NFATC2: variants seen among roughly 807,000 people sequenced by gnomAD.
NFATC2 encodes the protein nuclear factor of activated T cells 2.
NFATC2 carries 22 observed loss-of-function variants against 87.3 expected under a neutral mutation model. The ratio of observed to expected loss-of-function variants is 0.25; its 90% confidence interval spans 0.18 to 0.36. The LOEUF (loss-of-function observed/expected upper bound fraction) is 0.36. Ranked by LOEUF, NFATC2 falls within the 10% of genes least tolerant of loss-of-function variation. The pLI, the probability that NFATC2 is intolerant of heterozygous loss-of-function variation, is 1.00. For synonymous variants in NFATC2, 565 were observed against 542.2 expected (o/e 1.04, Z -0.58); for missense variants, 1,149 against 1,259.1 (o/e 0.91, Z 1.32).
intron 6 of NFATC2, among the ~76,000 whole-genome samples, chr20:51,454,190 G>C (rs74802704): frequency 6.6e-6 from 1 of 152,168 alleles, no homozygotes; most frequent in East Asian, 1.9e-4. Flanking sequence ...AGATATCCAG[G>C]GCCAGAGTAT....
chr20:51,409,195 T>C (rs1978822870), intron 9 of NFATC2, among the ~76,000 whole-genome samples: 1 of 152,172 alleles, frequency 6.6e-6, no homozygotes, highest in South Asian at 2.1e-4. Flanking sequence ...GTTGGAAGTG[T>C]GTGTACACCC....
intron 5 of NFATC2, among the ~76,000 whole-genome samples, chr20:51,462,540 C>A (rs536497714): frequency 6.6e-6 from 1 of 152,110 alleles, no homozygotes; most frequent in African/African-American, 2.4e-5. Context: ...TATTATAAAA[C>A]GCCCACACCA....
upstream of NFATC2, among the ~76,000 whole-genome samples, chr20:51,546,424 C>T (rs1601006790): frequency 6.6e-6 from 1 of 152,128 alleles, no homozygotes. Flanking sequence ...GGAACAAGGT[C>T]CAGGAGCAGA....
chr20:51,517,027 C>G (rs558952310), intron 2 of NFATC2, 72 bp from the exon 3 acceptor site: 1 of 1,439,626 alleles, frequency 6.9e-7, no homozygotes, highest in African/African-American at 1.4e-5. Flanking sequence ...TAATTGTAAA[C>G]GGCCCTTTCT....
At chr20:51,405,087 C>A (rs1194331552) in intron 9 of NFATC2, among the ~76,000 whole-genome samples, 5 of 152,134 alleles carry the variant, frequency 3.3e-5, no homozygotes, top group Non-Finnish European at 7.4e-5. Flanking sequence ...GCCAGGAAGG[C>A]ACCAAGCCCC....
rs986894735 is a variant in NFATC2 at position 51,426,265 on chromosome 20, G to T, written c.2722+5802C>A. Among the ~76,000 whole-genome samples the T allele has an allele frequency of 3.3e-5, 5 of 152,192 alleles. No individual in the cohort carries two copies. In the South Asian group the frequency reaches 8.3e-4, roughly 25 times the overall value. On this transcript the variant is annotated intron_variant, in intron 9 of 10. Transcript: ENST00000371564. ...AGGCCGAGGGGAATGGATCACCTGA[G>T]GTCAGGAGTTCGAGACCAGCTGGCC...
chr20:51,529,835 T>C (rs965418355), intron 1 of NFATC2, among the ~76,000 whole-genome samples: 6 of 151,848 alleles, frequency 4.0e-5, no homozygotes, highest in Non-Finnish European at 8.8e-5. Flanking sequence ...GAAGGTAGGG[T>C]AAAAATACAA....
At chr20:51,417,004 A>G (rs1362354783) in intron 9 of NFATC2, among the ~76,000 whole-genome samples, 1 of 152,170 alleles carries the variant, frequency 6.6e-6, no homozygotes, top group Non-Finnish European at 1.5e-5. Context: ...CAGATGAAGG[A>G]GTGAAAAGGC....
intron 10 of NFATC2, among the ~76,000 whole-genome samples, chr20:51,394,134 A>ACCT (rs1453074788): frequency 1.3e-5 from 2 of 151,960 alleles, no homozygotes; most frequent in African/African-American, 2.4e-5. Flanking sequence ...CTGGGTAGGA[A>ACCT]CCTCCTCTTT....
chr20:51,543,401 G>A (rs571474998), upstream of NFATC2, among the ~76,000 whole-genome samples: 48 of 152,342 alleles, frequency 3.2e-4, no homozygotes, highest in Admixed American at 3.1e-3. Flanking sequence ...ACTCACCAGG[G>A]TATGGGATAA....
At chr20:51,460,965 G>T (rs535014198) in intron 5 of NFATC2, among the ~76,000 whole-genome samples, 2 of 152,136 alleles carry the variant, frequency 1.3e-5, no homozygotes, top group Non-Finnish European at 2.9e-5. Context: ...CAATCTTTCC[G>T]GGTGACTTGT....
At position 51,475,530 on chromosome 20, in the gene NFATC2, C is replaced by CTGG; in HGVS notation, c.1460_1462dup (p.Thr487dup). 1 of 1,614,122 alleles carries CTGG rather than the reference C, an allele frequency of 6.2e-7. No individual in the cohort carries two copies. Among genetic ancestry groups the CTGG allele is most frequent in the Non-Finnish European group, 8.5e-7 (1 of 1,180,036 alleles). ...GGTGTTGCCCACTATCTTCTCATAG[C>CTGG]TGGTGGTGGTGACAGTTTTCCCCGT... On this transcript the variant is annotated inframe_insertion, in exon 4 of 11. Transcript: ENST00000371564.
In NFATC2 at chr20:51,432,571, C is replaced by T. The variant is rs758439316; in HGVS notation, c.2218G>A (p.Ala740Thr). 3.2e-5 allele frequency: 49 copies of T among 1,534,508 alleles called. No individual in the cohort carries two copies. In the Middle Eastern group the frequency reaches 5.3e-4, roughly 17 times the overall value. The change falls in exon 9 of 11, where the codon GCC becomes ACC. Residue 740 changes from alanine (A) to threonine (T), a missense_variant. Transcript: ENST00000371564. The surrounding 1 kb of genome is among the most constrained non-coding windows in gnomAD (Gnocchi z 4.6). Reference sequence around the variant, plus strand: ...GCTGGGTTCTGTTGCTGGTAGCGGGCGTCAGGGGATGAGAGCCCCGTGCGG... The same window carrying T: ...GCTGGGTTCTGTTGCTGGTAGCGGGTGTCAGGGGATGAGAGCCCCGTGCGG... ...QFRTGLSSPD[A>T]RYQQQNPAAV... is the part of the protein sequence containing the mutation.
rs1988494577 is a variant in NFATC2 at position 51,474,105 on chromosome 20, A to G, written c.1583T>C (p.Leu528Pro). ...TCCAATGTCCGTCTCGCCTTTCCGCAGCTCAATGTCGGCGTTTCTAAGCTT... is the reference window on the plus strand; with the variant it reads ...TCCAATGTCCGTCTCGCCTTTCCGCGGCTCAATGTCGGCGTTTCTAAGCTT... ...ILKLRNADIE[L>P]RKGETDIGRK... The change falls in exon 5 of 11, where the codon CTG becomes CCG. Residue 528 changes from leucine (L) to proline (P), a missense_variant. Around this residue, in one of 3 missense-constraint regions of NFATC2, gnomAD observed 581 missense variants for 649.7 expected, o/e 0.89. Transcript: ENST00000371564. The G allele has an allele frequency of 6.2e-7, 1 of 1,614,090 alleles. No individual in the cohort carries two copies. The highest frequency in any genetic ancestry group is 8.5e-7 in the Non-Finnish European group (1 of 1,180,044).
At chr20:51,481,828 C>T (rs1250050162) in intron 3 of NFATC2, among the ~76,000 whole-genome samples, 3 of 152,154 alleles carry the variant, frequency 2.0e-5, no homozygotes, top group Non-Finnish European at 4.4e-5. Flanking sequence ...TAAATGACGC[C>T]ATCCAACCTC....
At chr20:51,542,846 G>T (rs1403272324), upstream of NFATC2, 16 of 493,538 alleles carry the variant, frequency 3.2e-5, no homozygotes, top group African/African-American at 2.5e-4. Flanking sequence ...CGCGGCCTGG[G>T]CTGGCCGGTG....
chr20:51,449,921 G>A (rs143207420), intron 6 of NFATC2, among the ~76,000 whole-genome samples: 3 of 148,618 alleles, frequency 2.0e-5, no homozygotes, highest in African/African-American at 5.0e-5. Flanking sequence ...TACTAATAAC[G>A]TTCATTATTA....
At chr20:51,473,195 A>G (rs946927820) in intron 5 of NFATC2, among the ~76,000 whole-genome samples, 2 of 152,188 alleles carry the variant, frequency 1.3e-5, no homozygotes, top group African/African-American at 4.8e-5. Context: ...TGATACAACC[A>G]TCTGTCTGGG....
chr20:51,451,022 G>T (rs1056513671), intron 6 of NFATC2, among the ~76,000 whole-genome samples: 1 of 152,160 alleles, frequency 6.6e-6, no homozygotes, highest in African/African-American at 2.4e-5. Flanking sequence ...ACTCCGTAAG[G>T]AACTTGGTAG....
Sources: allele counts gnomAD v4.1 joint callset (sites outside exome capture counted in the v4.1 genomes callset), GRCh38; gene constraint gnomAD v4.1.1; regional missense constraint gnomAD v4.1.1; non-coding constraint Gnocchi (gnomAD v3.1); transcripts MANE v1.5; gene names NCBI Gene and HGNC (gene_info 2026-07-23, HGNC 2026-07-21).